Variants in FLRT1 observed in about 807,000 individuals in gnomAD.
The protein encoded by FLRT1 is fibronectin leucine rich transmembrane protein 1, also known as leucine-rich repeat transmembrane protein FLRT1.
FLRT1 carries 14 observed loss-of-function variants against 30.9 expected under a neutral mutation model. The observed-to-expected ratio is 0.45, with a 90% CI of 0.30 to 0.71. FLRT1 has a LOEUF of 0.71. FLRT1 is among the 30% of genes least tolerant of loss of function. FLRT1 has a pLI of 0.08. For synonymous variants in FLRT1, 368 were observed against 430.4 expected (o/e 0.85, Z 1.80); for missense variants, 737 against 949.2 (o/e 0.78, Z 2.94).
In FLRT1 at chr11:64,062,940, C is replaced by T. The variant is rs78924105; in HGVS notation, c.-1038+26781C>T. Among the ~76,000 whole-genome samples the T allele has an allele frequency of 1.1e-3, 160 of 152,366 alleles. 2 individuals are homozygous for T. The East Asian group carries it at 0.027, about 26-fold the overall frequency. On this transcript the variant is annotated intron_variant, in intron 1 of 2. Coordinates refer to ENST00000682287, the MANE Select transcript of FLRT1 (RefSeq NM_013280.5). Reference sequence around the variant, plus strand: ...TCCCCACAAACACCTGAGCCACCTCCGTGCTCCAGCATGGCCTGGGGCTGG... The same window carrying T: ...TCCCCACAAACACCTGAGCCACCTCTGTGCTCCAGCATGGCCTGGGGCTGG...
intron 2 of FLRT1, among the ~76,000 whole-genome samples, chr11:64,111,069 C>T (rs1321987629): frequency 6.6e-6 from 1 of 152,252 alleles, no homozygotes; most frequent in Admixed American, 6.5e-5. Context: ...CATCAAGCAT[C>T]TCTGAAAGGT....
intron 1 of FLRT1, among the ~76,000 whole-genome samples, chr11:64,037,872 TG>T (rs1235917809): frequency 5.9e-5 from 9 of 152,286 alleles, no homozygotes; most frequent in Admixed American, 2.0e-4. Flanking sequence ...GTTGGTAAAA[TG>T]GGATTGATAG....
At position 64,051,915 on chromosome 11, in the gene FLRT1, G is replaced by A. The variant is rs573250371; in HGVS notation, c.-1038+15756G>A. Among the ~76,000 whole-genome samples the A allele has an allele frequency of 8.6e-5, 13 of 151,964 alleles. No individual in the cohort carries two copies. The South Asian group carries it at 2.7e-3, about 32-fold the overall frequency. On this transcript the variant is annotated intron_variant, in intron 1 of 2. Coordinates refer to ENST00000682287, the MANE Select transcript of FLRT1 (RefSeq NM_013280.5). The stretch of plus-strand genomic sequence containing the variant: ...TCCTCTCTCGGGGGCTGCAAGAGAG[G>A]TAGAGACTGGATACTCCAAGGCCAC...
At chr11:64,059,272 C>T (rs758714547) in intron 1 of FLRT1, among the ~76,000 whole-genome samples, 2 of 152,144 alleles carry the variant, frequency 1.3e-5, no homozygotes, top group Non-Finnish European at 2.9e-5. Flanking sequence ...TGAGAGGTGC[C>T]GCCCTGTGAA....
intron 1 of FLRT1, among the ~76,000 whole-genome samples, chr11:64,088,010 G>T (rs1164470403): frequency 6.6e-6 from 1 of 152,184 alleles, no homozygotes; most frequent in South Asian, 2.1e-4. Flanking sequence ...CTGTGGTGTG[G>T]AAACACCCCG....
intron 1 of FLRT1, among the ~76,000 whole-genome samples, chr11:64,037,151 G>T (rs890226631): frequency 1.3e-5 from 2 of 152,194 alleles, no homozygotes. Flanking sequence ...ACGGAGGTGA[G>T]GGGTGACTGA....
rs148382868 is a variant in FLRT1 at position 64,117,437 on chromosome 11, G to A, written c.1170G>A (p.Ala390=). The stretch of plus-strand genomic sequence containing the variant: ...GGCCGCAGGGCGGCGTGGCCAATGC[G>A]GCTGCCAAGACCACGGCCAGCAACC... The part of the protein sequence containing the change: ...ETGPQGGVAN[A]AAKTTASNHA... The change falls in exon 3 of 3, where the codon GCG becomes GCA. Residue 390 remains alanine, a synonymous_variant. Coordinates refer to ENST00000682287, the MANE Select transcript of FLRT1 (RefSeq NM_013280.5). 55 of 1,612,902 alleles carry A rather than the reference G, an allele frequency of 3.4e-5. No individual in the cohort carries two copies. Among genetic ancestry groups the A allele is most frequent in the African/African-American group, 1.7e-4 (13 of 75,052 alleles).
chr11:64,089,679 C>G (rs1182948052), intron 1 of FLRT1, among the ~76,000 whole-genome samples: 1 of 152,228 alleles, frequency 6.6e-6, no homozygotes, highest in East Asian at 1.9e-4. Context: ...TTGAGAGAAG[C>G]TGGCCCAGGG....
chr11:64,089,706 C>T (rs1437016244), intron 1 of FLRT1, among the ~76,000 whole-genome samples: 1 of 152,174 alleles, frequency 6.6e-6, no homozygotes, highest in African/African-American at 2.4e-5. Context: ...CAAAGTGGGG[C>T]TCTTGAGGGA....
intron 1 of FLRT1, among the ~76,000 whole-genome samples, chr11:64,100,511 C>T (rs916859012): frequency 1.3e-5 from 2 of 152,216 alleles, no homozygotes; most frequent in Non-Finnish European, 2.9e-5. Flanking sequence ...TAACTTCACA[C>T]GGCATGGTCT....
intron 1 of FLRT1, among the ~76,000 whole-genome samples, chr11:64,086,697 G>A (rs905491054): frequency 2.0e-5 from 3 of 152,190 alleles, no homozygotes; most frequent in East Asian, 1.9e-4. Context: ...AAGACAGAGA[G>A]GGGGAGAAGG....
rs188970495 is a variant in FLRT1, at chr11:64,068,138, C to T, written c.-1038+31979C>T. ...GTTGAATCAAAATGTAAATTAATGG[C>T]ATTAAGATATGGCGTTCAAATTGGC... On this transcript the variant is annotated intron_variant, in intron 1 of 2. Transcript: ENST00000682287. 2.0e-5 allele frequency among the ~76,000 whole-genome samples: 3 copies of T among 152,334 alleles called. No individual in the cohort carries two copies. The East Asian group carries it at 5.8e-4, about 29-fold the overall frequency.
intron 2 of FLRT1, among the ~76,000 whole-genome samples, chr11:64,115,126 C>T (rs757728645): frequency 7.9e-5 from 12 of 152,180 alleles, no homozygotes; most frequent in Non-Finnish European, 1.5e-4. Flanking sequence ...GAAAAGCCTC[C>T]GTGAACCCAG....
At chr11:64,100,272 G>A (rs1227424232) in intron 1 of FLRT1, among the ~76,000 whole-genome samples, 2 of 152,216 alleles carry the variant, frequency 1.3e-5, no homozygotes, top group Non-Finnish European at 2.9e-5. Flanking sequence ...GCAGAGATGT[G>A]AGATTGGGCA....
intron 1 of FLRT1, among the ~76,000 whole-genome samples, chr11:64,063,479 T>C (rs1176523573): frequency 6.6e-6 from 1 of 151,932 alleles, no homozygotes; most frequent in African/African-American, 2.4e-5. Flanking sequence ...GGATGAACAG[T>C]TCATCAAGGG....
intron 1 of FLRT1, among the ~76,000 whole-genome samples, chr11:64,076,936 G>A (rs1213733079): frequency 2.0e-5 from 3 of 152,186 alleles, no homozygotes; most frequent in East Asian, 1.9e-4. Context: ...GGATCAGCAC[G>A]GAGAGAATTT....
intron 1 of FLRT1, among the ~76,000 whole-genome samples, chr11:64,095,790 G>C (rs1282309923): frequency 6.6e-6 from 1 of 152,234 alleles, no homozygotes; most frequent in Non-Finnish European, 1.5e-5. Flanking sequence ...AGTGAGCAGG[G>C]GGCTCCTGAA....
At chr11:64,110,028 G>A (rs2325787) in intron 2 of FLRT1, among the ~76,000 whole-genome samples, 52,111 of 151,978 alleles carry the variant, frequency 0.34, 11,286 homozygotes, top group Non-Finnish European at 0.48. Flanking sequence ...ACACTCAGGA[G>A]GGGGTACTCT....
At chr11:64,062,631 AC>A (rs59611719) in intron 1 of FLRT1, among the ~76,000 whole-genome samples, 22,695 of 152,178 alleles carry the variant, frequency 0.15, 2,787 homozygotes, top group East Asian at 0.4. Context: ...CAGCAAAGGC[AC>A]GTGGCCCTGC....
Sources: allele counts gnomAD v4.1 joint callset (sites outside exome capture counted in the v4.1 genomes callset), GRCh38; gene constraint gnomAD v4.1.1; transcripts MANE v1.5; gene names NCBI Gene and HGNC (gene_info 2026-07-23, HGNC 2026-07-21).